Variants in FAM120B observed in about 807,000 individuals in gnomAD.
FAM120B encodes family with sequence similarity 120 member B.
A neutral mutation model predicts 96.3 loss-of-function variants in FAM120B; 83 were observed. The ratio of observed to expected loss-of-function variants is 0.86; its 90% confidence interval spans 0.72 to 1.03. FAM120B has a LOEUF of 1.03. Ranked by LOEUF, FAM120B falls within the 50% of genes least tolerant of loss-of-function variation. The pLI, the probability that FAM120B is intolerant of heterozygous loss-of-function variation, is 0.00. For missense variants in FAM120B, 1,027 were observed against 1,121.2 expected (o/e 0.92, Z 1.20); for synonymous variants, 407 against 402.7 (o/e 1.01, Z -0.13).
intron 4 of FAM120B, among the ~76,000 whole-genome samples, chr6:170,346,570 T>C (rs1213966931): frequency 6.6e-6 from 1 of 152,228 alleles, no homozygotes; most frequent in African/African-American, 2.4e-5. Context: ...ACATGGTCTC[T>C]GTTACTTAGG....
chr6:170,382,049 AAAAG>A (rs1789934384), intron 6 of FAM120B, among the ~76,000 whole-genome samples: 1 of 152,200 alleles, frequency 6.6e-6, no homozygotes, highest in Admixed American at 6.5e-5. Flanking sequence ...CATGCAGACA[AAAAG>A]AAGGAAACAA....
intron 4 of FAM120B, among the ~76,000 whole-genome samples, chr6:170,337,280 A>T (rs551311371): frequency 6.6e-6 from 1 of 152,170 alleles, no homozygotes. Flanking sequence ...TTCTGCATCT[A>T]TTGAGATAAA....
At chr6:170,389,739 C>A (rs1243501286) in intron 7 of FAM120B, among the ~76,000 whole-genome samples, 1 of 151,954 alleles carries the variant, frequency 6.6e-6, no homozygotes, top group African/African-American at 2.4e-5. Flanking sequence ...TTTGTATTTT[C>A]TGTAGAGGTG....
intron 1 of FAM120B, among the ~76,000 whole-genome samples, chr6:170,307,846 G>A (rs2114991307): frequency 6.6e-6 from 1 of 152,274 alleles, no homozygotes. Flanking sequence ...AGAACCTGGA[G>A]GTAAAGAAGT....
In FAM120B at chr6:170,316,642, C is replaced by T. The variant is rs1178824903; in HGVS notation, c.-21-728C>T. Among the ~76,000 whole-genome samples the T allele has an allele frequency of 6.6e-5, 10 of 152,344 alleles. No homozygotes were observed. The East Asian group carries it at 1.5e-3, about 23-fold the overall frequency. ...TCAATCACTATCTCAGATACTACAA[C>T]ATTTGGCATAGTGAATTTTATGTGG... On this transcript the variant is annotated intron_variant, in intron 1 of 10. Coordinates refer to ENST00000476287, the MANE Select transcript of FAM120B (RefSeq NM_032448.3).
chr6:170,346,916 A>G (rs1179629324), intron 4 of FAM120B, among the ~76,000 whole-genome samples: 1 of 152,142 alleles, frequency 6.6e-6, no homozygotes, highest in Non-Finnish European at 1.5e-5. Context: ...CTACTGCCAT[A>G]GGGTTGTTTT....
At chr6:170,291,091 G>A (rs1783856137), upstream of FAM120B, 1 of 699,884 alleles carries the variant, frequency 1.4e-6, no homozygotes, top group Non-Finnish European at 2.6e-6. Context: ...GCTGTAAAAT[G>A]TGCAACCCTC....
chr6:170,382,732 C>T (rs1308917675), intron 6 of FAM120B, among the ~76,000 whole-genome samples: 1 of 152,090 alleles, frequency 6.6e-6, no homozygotes, highest in Non-Finnish European at 1.5e-5. Context: ...GACTGATGTA[C>T]AGGTTTGATG....
At chr6:170,388,582 A>G in intron 7 of FAM120B, 89 bp downstream of exon 7, 1 of 1,083,232 alleles carries the variant, frequency 9.2e-7, no homozygotes, top group Non-Finnish European at 1.4e-6. Context: ...TGCATTTTTC[A>G]AATTAATGCT....
chr6:170,339,509 C>T (rs1583226447), intron 4 of FAM120B, among the ~76,000 whole-genome samples: 2 of 151,702 alleles, frequency 1.3e-5, no homozygotes, highest in Non-Finnish European at 2.9e-5. Context: ...AATGTCGGGG[C>T]CAGGCGGGGT....
chr6:170,321,267 A>G (rs556473814), intron 2 of FAM120B, among the ~76,000 whole-genome samples: 74 of 152,360 alleles, frequency 4.9e-4, no homozygotes, highest in African/African-American at 1.7e-3. Context: ...TTTTAACCAT[A>G]CATAGTCACC....
chr6:170,315,311 G>A (rs1475058017), intron 1 of FAM120B, among the ~76,000 whole-genome samples: 1 of 152,162 alleles, frequency 6.6e-6, no homozygotes, highest in East Asian at 1.9e-4. Context: ...TGAAATCTAA[G>A]CCTTCTTTTA....
At chr6:170,369,200 TTTTCC>T (rs1418645946) in intron 6 of FAM120B, among the ~76,000 whole-genome samples, 1 of 150,960 alleles carries the variant, frequency 6.6e-6, no homozygotes, top group Non-Finnish European at 1.5e-5. Context: ...GTATTCATAT[TTTTCC>T]TCACTTTTAT....
chr6:170,382,233 C>T (rs988826970), intron 6 of FAM120B, among the ~76,000 whole-genome samples: 2 of 152,060 alleles, frequency 1.3e-5, no homozygotes, highest in Non-Finnish European at 2.9e-5. Flanking sequence ...CCAGCCTGCG[C>T]AACATAGTAA....
At position 170,317,741 on chromosome 6, in the gene FAM120B, T is replaced by C. The variant is rs895674425; in HGVS notation, c.351T>C (p.His117=). The C allele has an allele frequency of 1.2e-6, 2 of 1,614,024 alleles. No homozygotes were observed. The highest frequency in any genetic ancestry group is 8.5e-7 in the Non-Finnish European group (1 of 1,179,982). ...ACAGGGAGATATCCAGGATTTTTCATTACATCAAGTCACACAAGGAGCAGC... is the reference window on the plus strand; with the variant it reads ...ACAGGGAGATATCCAGGATTTTTCACTACATCAAGTCACACAAGGAGCAGC... The part of the protein sequence containing the change: ...KNNREISRIF[H]YIKSHKEQPG... Residue 117 remains histidine (H), a synonymous_variant, in exon 2 of 11, where the codon CAT becomes CAC. Transcript: ENST00000476287.
Position 170,317,380 on chromosome 6 carries a change from G to A in FAM120B, c.-11G>A, listed in dbSNP as rs370429953. 2.7e-5 allele frequency: 43 copies of A among 1,594,684 alleles called. No homozygotes were observed. Among genetic ancestry groups the A allele is most frequent in the Non-Finnish European group, 3.3e-5 (38 of 1,164,958 alleles). On this transcript the variant is annotated 5_prime_UTR_variant, in exon 2 of 11. Coordinates refer to ENST00000476287, the MANE Select transcript of FAM120B (RefSeq NM_032448.3). ...TATCTTTCTTTCCAGATCCTTTCCC[G>A]GAGTTCAGTTATGGGTGTGAGAGGT... is the stretch of plus-strand genomic sequence containing the variant.
chr6:170,377,233 T>A (rs1428794167), intron 6 of FAM120B, among the ~76,000 whole-genome samples: 32 of 103,536 alleles, frequency 3.1e-4, no homozygotes, highest in Non-Finnish European at 5.1e-4. Context: ...CACGCGTCCC[T>A]AATCCCAGAT....
intron 2 of FAM120B, among the ~76,000 whole-genome samples, chr6:170,320,518 T>A (rs1785216084): frequency 6.6e-6 from 1 of 152,174 alleles, no homozygotes; most frequent in Admixed American, 6.5e-5. Context: ...AACTAATAAA[T>A]AAGTCTTGCT....
chr6:170,303,088 AATATTT>A (rs1161254284), upstream of FAM120B, among the ~76,000 whole-genome samples: 15 of 152,238 alleles, frequency 9.9e-5, no homozygotes, highest in Admixed American at 6.5e-5. Flanking sequence ...CCTTATATCA[AATATTT>A]ATAATCTTAA....
Sources: gnomAD v4.1 joint callset for allele counts (sites outside exome capture counted in the v4.1 genomes callset) on GRCh38, gnomAD v4.1.1 for gene constraint, MANE v1.5 for transcripts, NCBI Gene and HGNC (gene_info 2026-07-23, HGNC 2026-07-21) for gene names.